Variants in FSTL5 observed in about 807,000 individuals in gnomAD.
FSTL5 encodes follistatin like 5.
FSTL5 carries 62 observed loss-of-function variants against 89.1 expected under a neutral mutation model. That is an observed-to-expected ratio of 0.70 (90% CI 0.57 to 0.86). The LOEUF (loss-of-function observed/expected upper bound fraction) is 0.86. Among genes scored for constraint, FSTL5 ranks in the 40% least tolerant of loss-of-function variants. The pLI is 0.00. For missense variants in FSTL5, 1,057 were observed against 1,001.6 expected (o/e 1.06, Z -0.75); for synonymous variants, 383 against 346.2 (o/e 1.11, Z -1.18).
At chr4:161,706,606 T>C (rs1738590199) in intron 6 of FSTL5, among the ~76,000 whole-genome samples, 2 of 151,988 alleles carry the variant, frequency 1.3e-5, no homozygotes, top group South Asian at 4.1e-4. Context: ...AATACTGAGG[T>C]GTCCTCTTCT....
Position 161,561,772 on chromosome 4 carries a change from C to T in FSTL5, c.1016-19079G>A, listed in dbSNP as rs140223177. Among the ~76,000 whole-genome samples, 111 of 152,082 alleles carry T rather than the reference C, an allele frequency of 7.3e-4. 1 individual carries two copies. Among genetic ancestry groups the T allele is most frequent in the African/African-American group, 2.6e-3 (107 of 41,532 alleles). ...AACTATATTCCCCAGAATTCTTTTTCTTCTACATTTCCACTTAGGGTGGGT... is the reference window on the plus strand; with the variant it reads ...AACTATATTCCCCAGAATTCTTTTTTTTCTACATTTCCACTTAGGGTGGGT... On this transcript the variant is annotated intron_variant, in intron 8 of 15. Transcript: ENST00000306100.
intron 2 of FSTL5, among the ~76,000 whole-genome samples, chr4:162,074,449 C>T (rs139937833): frequency 1.0e-3 from 151 of 151,400 alleles, no homozygotes; most frequent in African/African-American, 3.3e-3. Flanking sequence ...AATGGGATAC[C>T]AGTGGTACTA....
intron 4 of FSTL5, among the ~76,000 whole-genome samples, chr4:161,860,940 C>A (rs1384303292): frequency 6.6e-6 from 1 of 152,004 alleles, no homozygotes; most frequent in Non-Finnish European, 1.5e-5. Flanking sequence ...CACACACACA[C>A]AAAATGCACA....
chr4:162,022,463 C>T (rs142914056), intron 3 of FSTL5, among the ~76,000 whole-genome samples: 2 of 151,880 alleles, frequency 1.3e-5, no homozygotes, highest in Non-Finnish European at 1.5e-5. Flanking sequence ...TAATAATGTT[C>T]TACGCTGTCC....
intron 15 of FSTL5, among the ~76,000 whole-genome samples, chr4:161,407,002 C>G (rs1731405514): frequency 6.6e-6 from 1 of 151,980 alleles, no homozygotes; most frequent in Non-Finnish European, 1.5e-5. Flanking sequence ...CTCCTTTCTC[C>G]TCTAGTACTG....
intron 3 of FSTL5, among the ~76,000 whole-genome samples, chr4:162,020,660 C>T (rs1737050994): frequency 6.6e-6 from 1 of 151,926 alleles, no homozygotes; most frequent in African/African-American, 2.4e-5. Context: ...GGCCATTTGA[C>T]TGTTCATCAC....
intron 3 of FSTL5, among the ~76,000 whole-genome samples, chr4:161,922,673 T>C (rs1406609590): frequency 6.6e-6 from 1 of 151,924 alleles, no homozygotes; most frequent in Admixed American, 6.6e-5. Flanking sequence ...TCCTAACTTA[T>C]AATTAAAATA....
At chr4:161,515,232 C>T (rs972833561) in intron 10 of FSTL5, among the ~76,000 whole-genome samples, 3 of 151,786 alleles carry the variant, frequency 2.0e-5, no homozygotes, top group African/African-American at 4.8e-5. Context: ...GGTTGTTTGT[C>T]TGTTGTCCAG....
At chr4:162,124,426 T>C (rs1295415634) in intron 1 of FSTL5, among the ~76,000 whole-genome samples, 1 of 152,092 alleles carries the variant, frequency 6.6e-6, no homozygotes, top group East Asian at 1.9e-4. Flanking sequence ...TCTCTCCTCT[T>C]CTCTAGGTAA....
At chr4:161,840,335 A>G (rs1429318828) in intron 4 of FSTL5, among the ~76,000 whole-genome samples, 2 of 152,222 alleles carry the variant, frequency 1.3e-5, no homozygotes, top group African/African-American at 4.8e-5. Flanking sequence ...GAAATTTTAC[A>G]AAGAAACTCA....
In FSTL5 at chr4:161,824,252, C is replaced by T. The variant is rs540308073; in HGVS notation, c.410-48178G>A. On this transcript the variant is annotated intron_variant, in intron 4 of 15. Transcript: ENST00000306100. ...TGTAGCTTGCCAATTATCCCAGCAC[C>T]GTTTGTTGAATAGGGTTTCCTTTCC... Among the ~76,000 whole-genome samples, 13 of 152,246 alleles carry T rather than the reference C, an allele frequency of 8.5e-5. No individual in the cohort carries two copies. In the East Asian group the frequency reaches 9.7e-4, roughly 11 times the overall value.
intron 2 of FSTL5, among the ~76,000 whole-genome samples, chr4:162,091,093 A>G (rs997152418): frequency 6.6e-6 from 1 of 152,142 alleles, no homozygotes; most frequent in Non-Finnish European, 1.5e-5. Context: ...TTTGCCTTCC[A>G]CTTAGAATAC....
intron 10 of FSTL5, among the ~76,000 whole-genome samples, chr4:161,513,318 A>AAAAGAGGAAGAG (rs1730715624): frequency 7.8e-6 from 1 of 127,856 alleles, no homozygotes; most frequent in Non-Finnish European, 1.6e-5. Context: ...AGACAGAGGA[A>AAAAGAGGAAGAG]GAGGAGGAGG....
At chr4:161,653,722 T>C (rs1011517567) in intron 7 of FSTL5, among the ~76,000 whole-genome samples, 3 of 152,190 alleles carry the variant, frequency 2.0e-5, no homozygotes, top group Non-Finnish European at 4.4e-5. Context: ...TTTGCATTTG[T>C]CACATTACAT....
intron 14 of FSTL5, among the ~76,000 whole-genome samples, chr4:161,457,031 G>C (rs1302952148): frequency 6.6e-6 from 1 of 152,106 alleles, no homozygotes; most frequent in South Asian, 2.1e-4. Context: ...CAACTGTGCT[G>C]AACATTCAGG....
intron 3 of FSTL5, among the ~76,000 whole-genome samples, chr4:161,941,574 A>G (rs544813785): frequency 6.6e-6 from 1 of 152,036 alleles, no homozygotes; most frequent in East Asian, 1.9e-4. Flanking sequence ...ATATTGGTAA[A>G]AGGATCAATT....
At chr4:161,913,951 T>C (rs1343464318) in intron 4 of FSTL5, among the ~76,000 whole-genome samples, 1 of 152,132 alleles carries the variant, frequency 6.6e-6, no homozygotes, top group Non-Finnish European at 1.5e-5. Context: ...TGTGGACTTT[T>C]GGGTTAATGC....
intron 4 of FSTL5, among the ~76,000 whole-genome samples, chr4:161,917,254 C>T (rs1263188064): frequency 1.3e-5 from 2 of 152,140 alleles, no homozygotes; most frequent in Non-Finnish European, 2.9e-5. Context: ...CCGCGCCCAA[C>T]CTTTAATAAG....
chr4:161,784,000 A>C (rs1741791330), intron 4 of FSTL5, among the ~76,000 whole-genome samples: 1 of 151,022 alleles, frequency 6.6e-6, no homozygotes, highest in Non-Finnish European at 1.5e-5. Flanking sequence ...CGGTGGCGTG[A>C]TCTCGGCTCA....
Sources: gnomAD v4.1 joint callset for allele counts (sites outside exome capture counted in the v4.1 genomes callset) on GRCh38, gnomAD v4.1.1 for gene constraint, MANE v1.5 for transcripts, NCBI Gene and HGNC (gene_info 2026-07-23, HGNC 2026-07-21) for gene names.